Variants in CSMD1 observed in about 807,000 individuals in gnomAD.
CSMD1 encodes CUB and Sushi multiple domains 1, also known as CUB and sushi domain-containing protein 1.
CSMD1 carries 213 observed loss-of-function variants against 417.5 expected under a neutral mutation model. That is an observed-to-expected ratio of 0.51 (90% CI 0.46 to 0.57). CSMD1 has a LOEUF of 0.57. CSMD1 is among the 20% of genes least tolerant of loss of function. CSMD1 has a pLI of 0.00. For synonymous variants in CSMD1, 2,862 were observed against 1,736.8 expected (o/e 1.65, Z -16.11); for missense variants, 6,923 against 4,529.7 (o/e 1.53, Z -15.17).
intron 3 of CSMD1, among the ~76,000 whole-genome samples, chr8:4,192,586 C>T (rs969735981): frequency 6.6e-6 from 1 of 152,188 alleles, no homozygotes; most frequent in Non-Finnish European, 1.5e-5. Flanking sequence ...TACTCTTCAT[C>T]AGCTTTGCCC....
chr8:3,309,351 C>G (rs370903422), intron 23 of CSMD1, among the ~76,000 whole-genome samples: 1 of 131,714 alleles, frequency 7.6e-6, no homozygotes, highest in Non-Finnish European at 1.7e-5. Context: ...TCCTGAATTA[C>G]TGCCGACCAC....
At chr8:4,736,159 T>C (rs1045579769) in intron 1 of CSMD1, among the ~76,000 whole-genome samples, 3 of 152,176 alleles carry the variant, frequency 2.0e-5, no homozygotes, top group Non-Finnish European at 2.9e-5. Context: ...GTCACCCTAA[T>C]GCTTTCAAAT....
intron 3 of CSMD1, among the ~76,000 whole-genome samples, chr8:4,090,887 A>G (rs920879950): frequency 6.6e-6 from 1 of 151,950 alleles, no homozygotes; most frequent in African/African-American, 2.4e-5. Flanking sequence ...TGCTGTCTAC[A>G]TTATTAGTAA....
chr8:4,025,732 G>T (rs996826108), intron 4 of CSMD1, among the ~76,000 whole-genome samples: 1 of 152,124 alleles, frequency 6.6e-6, no homozygotes, highest in Non-Finnish European at 1.5e-5. Flanking sequence ...GAATTTTGAG[G>T]TCTCATTTTT....
At chr8:4,404,859 G>C (rs768852000) in intron 3 of CSMD1, among the ~76,000 whole-genome samples, 1 of 152,112 alleles carries the variant, frequency 6.6e-6, no homozygotes, top group Non-Finnish European at 1.5e-5. Context: ...CACTCTACCA[G>C]CCACACTTCC....
At chr8:3,643,253 G>A (rs1014235400) in intron 7 of CSMD1, among the ~76,000 whole-genome samples, 3 of 152,042 alleles carry the variant, frequency 2.0e-5, no homozygotes, top group African/African-American at 7.2e-5. Flanking sequence ...CAAAGACAAA[G>A]AGAAGATTCC....
intron 1 of CSMD1, among the ~76,000 whole-genome samples, chr8:4,778,731 G>A (rs1454176072): frequency 2.6e-5 from 4 of 152,152 alleles, no homozygotes; most frequent in African/African-American, 9.7e-5. Flanking sequence ...ATTTTATAGT[G>A]TTAATCTTTA....
At chr8:3,260,059 A>G (rs1036678087) in intron 26 of CSMD1, among the ~76,000 whole-genome samples, 3 of 152,210 alleles carry the variant, frequency 2.0e-5, no homozygotes, top group South Asian at 4.1e-4. Flanking sequence ...GTACAGAACT[A>G]TAATTATGAA....
At chr8:3,445,842 G>C (rs960455101) in intron 12 of CSMD1, among the ~76,000 whole-genome samples, 1 of 152,138 alleles carries the variant, frequency 6.6e-6, no homozygotes, top group Non-Finnish European at 1.5e-5. Context: ...ATCCTTGAAA[G>C]AAAGAGTATA....
At chr8:3,907,214 A>T (rs1168407699) in intron 5 of CSMD1, among the ~76,000 whole-genome samples, 1 of 152,248 alleles carries the variant, frequency 6.6e-6, no homozygotes, top group African/African-American at 2.4e-5. Flanking sequence ...TCATACAGCA[A>T]ATAAAAATTT....
At chr8:3,999,716 T>C (rs1815510021) in intron 4 of CSMD1, among the ~76,000 whole-genome samples, 1 of 152,186 alleles carries the variant, frequency 6.6e-6, no homozygotes. Flanking sequence ...CTAATGCTAA[T>C]GGCAGCTTTA....
chr8:4,551,222 T>C (rs918014168), intron 2 of CSMD1, among the ~76,000 whole-genome samples: 2 of 152,120 alleles, frequency 1.3e-5, no homozygotes, highest in East Asian at 1.9e-4. Context: ...CCTCCTGTAA[T>C]ACTGAAAATC....
At chr8:4,198,115 G>T (rs1380930708) in intron 3 of CSMD1, among the ~76,000 whole-genome samples, 4 of 152,202 alleles carry the variant, frequency 2.6e-5, no homozygotes, top group African/African-American at 9.7e-5. Flanking sequence ...TAAGTTTTAC[G>T]GGAGAAGGTT....
At chr8:4,748,288 C>T (rs10503274) in intron 1 of CSMD1, among the ~76,000 whole-genome samples, 47,225 of 152,168 alleles carry the variant, frequency 0.31, 8,264 homozygotes, top group Admixed American at 0.45. Flanking sequence ...AAATCATCAT[C>T]CTTTCTACAA....
chr8:3,694,378 C>T (rs186234176), intron 7 of CSMD1, among the ~76,000 whole-genome samples: 1 of 152,050 alleles, frequency 6.6e-6, no homozygotes, highest in African/African-American at 2.4e-5. Flanking sequence ...AAACTGACAC[C>T]CAGAAGACTG....
chr8:4,652,933 T>C (rs931813914), intron 1 of CSMD1, among the ~76,000 whole-genome samples: 3 of 152,034 alleles, frequency 2.0e-5, no homozygotes. Flanking sequence ...CAGGTGGTAA[T>C]GTGAGTGATA....
chr8:3,847,027 A>G (rs1389309514), intron 5 of CSMD1, among the ~76,000 whole-genome samples: 1 of 152,072 alleles, frequency 6.6e-6, no homozygotes, highest in Non-Finnish European at 1.5e-5. Flanking sequence ...AGATCAGATG[A>G]TGCCTCTTAG....
chr8:4,987,874 T>G (rs1002161028), intron 1 of CSMD1, among the ~76,000 whole-genome samples: 4 of 152,194 alleles, frequency 2.6e-5, no homozygotes, highest in African/African-American at 9.6e-5. Flanking sequence ...TCTAAGGTGT[T>G]CACCTATTGG....
intron 1 of CSMD1, among the ~76,000 whole-genome samples, chr8:4,796,621 A>G (rs559978021): frequency 6.6e-6 from 1 of 152,230 alleles, no homozygotes; most frequent in Non-Finnish European, 1.5e-5. Flanking sequence ...ATTAGCAAAC[A>G]CAGGTGGCAT....
Sources: allele counts gnomAD v4.1 joint callset (sites outside exome capture counted in the v4.1 genomes callset), GRCh38; gene constraint gnomAD v4.1.1; transcripts MANE v1.5; gene names NCBI Gene and HGNC (gene_info 2026-07-23, HGNC 2026-07-21).